Variants in FAM222B observed in about 807,000 individuals in gnomAD.
FAM222B encodes protein FAM222B.
FAM222B carries 12 observed loss-of-function variants against 38.0 expected under a neutral mutation model. The observed-to-expected ratio is 0.32, with a 90% CI of 0.20 to 0.51. FAM222B has a LOEUF of 0.51. Among genes scored for constraint, FAM222B ranks in the 20% least tolerant of loss-of-function variants. The probability of loss-of-function intolerance (pLI) is 0.97; values close to 1 mark genes in which losing one functional copy is unlikely to be tolerated. For synonymous variants in FAM222B, 329 were observed against 317.2 expected (o/e 1.04, Z -0.40); for missense variants, 716 against 754.2 (o/e 0.95, Z 0.59).
At chr17:28,781,826 A>G (rs1384929577) in intron 1 of FAM222B, among the ~76,000 whole-genome samples, 1 of 152,204 alleles carries the variant, frequency 6.6e-6, no homozygotes, top group Non-Finnish European at 1.5e-5. Context: ...GGAATCTAAA[A>G]AAGTCAAACT....
At chr17:28,853,091 G>A (rs1416832312) in intron 1 of FAM222B, among the ~76,000 whole-genome samples, 61 of 151,854 alleles carry the variant, frequency 4.0e-4, no homozygotes, top group Non-Finnish European at 1.5e-5. Flanking sequence ...TACTCGGGAG[G>A]CTGAGGCAGG....
At chr17:28,834,995 C>T (rs1235467802) in intron 1 of FAM222B, among the ~76,000 whole-genome samples, 1 of 148,294 alleles carries the variant, frequency 6.7e-6, no homozygotes, top group Non-Finnish European at 1.5e-5. Flanking sequence ...GCTGGGATTA[C>T]AGGCGCCCAC....
intron 1 of FAM222B, among the ~76,000 whole-genome samples, chr17:28,801,737 C>A (rs1055851651): frequency 1.3e-5 from 2 of 152,002 alleles, no homozygotes; most frequent in Non-Finnish European, 2.9e-5. Flanking sequence ...GATGAGCTGT[C>A]TTCAACTTCT....
At chr17:28,854,666 C>A (rs965568034) in intron 1 of FAM222B, among the ~76,000 whole-genome samples, 2 of 152,164 alleles carry the variant, frequency 1.3e-5, no homozygotes, top group Non-Finnish European at 2.9e-5. Flanking sequence ...GGAACAGTGC[C>A]CCCTCCCACT....
chr17:28,777,434 T>A (rs1397428139), intron 1 of FAM222B, among the ~76,000 whole-genome samples: 1 of 152,182 alleles, frequency 6.6e-6, no homozygotes, highest in Admixed American at 6.6e-5. Context: ...ACTTAACTCA[T>A]CTCTGATCCA....
chr17:28,822,674 G>C (rs576083603), intron 1 of FAM222B, among the ~76,000 whole-genome samples: 1 of 147,854 alleles, frequency 6.8e-6, no homozygotes, highest in South Asian at 2.2e-4. Context: ...GGTGGCAGGC[G>C]CCTGTAATCC....
In FAM222B at chr17:28,775,887, AAAAAAC is replaced by A. The variant is rs1283074879; in HGVS notation, c.-40-9186_-40-9181del. On this transcript the variant is annotated intron_variant, in intron 1 of 2. Transcript: ENST00000581407. The stretch of plus-strand genomic sequence containing the variant: ...CAGAGCAAGACTCCATCTCCAAAAA[AAAAAAC>A]AAAAACAAAAACAAAAAAACAAAAA... 5.3e-5 allele frequency among the ~76,000 whole-genome samples: 8 copies of A among 151,242 alleles called. No homozygotes were observed. In the South Asian group the frequency reaches 1.5e-3, roughly 28 times the overall value.
intron 1 of FAM222B, among the ~76,000 whole-genome samples, chr17:28,784,682 T>C (rs1418340320): frequency 6.6e-6 from 1 of 151,638 alleles, no homozygotes; most frequent in African/African-American, 2.4e-5. Context: ...TACAAAAAAT[T>C]AGCTGGGCGT....
chr17:28,759,970 T>TG lies in FAM222B; in HGVS notation c.83-95dup. The TG allele has an allele frequency of 8.3e-7, 1 of 1,198,700 alleles. No homozygotes were observed. The highest frequency in any genetic ancestry group is 1.1e-6 in the Non-Finnish European group (1 of 871,334). The allele number at this position is 1,198,700 out of a possible 1,614,324, so 74.3% of individuals were successfully genotyped here. Reference sequence around the variant, plus strand: ...CTTCCAGATTCCCCTTTTGAGGGCCTGGGGTGGGGTGGGGAAATGACTAGA... The same window carrying TG: ...CTTCCAGATTCCCCTTTTGAGGGCCTGGGGGTGGGGTGGGGAAATGACTAGA... On this transcript the variant is annotated intron_variant, in intron 2 of 2. Transcript: ENST00000581407. This position sits in a 1 kb window ranked among gnomAD's most constrained non-coding sequence, Gnocchi z 4.8.
At chr17:28,789,281 C>A (rs2036563276) in intron 1 of FAM222B, among the ~76,000 whole-genome samples, 1 of 151,206 alleles carries the variant, frequency 6.6e-6, no homozygotes, top group South Asian at 2.1e-4. Context: ...TCATTGCAAC[C>A]TCTACCTCCT....
At chr17:28,777,104 T>C (rs1036689553) in intron 1 of FAM222B, 5 of 152,164 alleles carry the variant, frequency 3.3e-5, no homozygotes, top group East Asian at 1.9e-4. Flanking sequence ...TTTAACTCAA[T>C]AGGGGACCGT....
intron 1 of FAM222B, among the ~76,000 whole-genome samples, chr17:28,853,483 C>T (rs1286581487): frequency 1.3e-5 from 2 of 152,218 alleles, no homozygotes; most frequent in Non-Finnish European, 2.9e-5. Context: ...CCTATGGATA[C>T]CAAAATCTGC....
chr17:28,795,126 G>A (rs1382043281), intron 1 of FAM222B, among the ~76,000 whole-genome samples: 1 of 151,178 alleles, frequency 6.6e-6, no homozygotes, highest in Non-Finnish European at 1.5e-5. Context: ...TTCCTATACA[G>A]CAAAAGAGAC....
chr17:28,786,007 T>A (rs2151855419), intron 1 of FAM222B, among the ~76,000 whole-genome samples: 1 of 152,206 alleles, frequency 6.6e-6, no homozygotes, highest in South Asian at 2.1e-4. Context: ...CTAATTTTTG[T>A]ATTTTTAGTA....
chr17:28,783,092 C>T (rs772817460), intron 1 of FAM222B, among the ~76,000 whole-genome samples: 3 of 148,962 alleles, frequency 2.0e-5, no homozygotes, highest in Non-Finnish European at 4.4e-5. Flanking sequence ...GAGCCAAGAT[C>T]GTGCCACTGC....
At chr17:28,839,610 T>C (rs1252774535) in intron 1 of FAM222B, among the ~76,000 whole-genome samples, 2 of 152,110 alleles carry the variant, frequency 1.3e-5, no homozygotes, top group Non-Finnish European at 2.9e-5. Flanking sequence ...AAAAATAAAA[T>C]AAGATAGCTA....
chr17:28,756,891 C>T lies in FAM222B; in HGVS notation c.*1379G>A, dbSNP rs1396991931. On this transcript the variant is annotated 3_prime_UTR_variant, in exon 3 of 3. Transcript: ENST00000581407. ...ACCTTAAATAAGAACCATCAGCTGA[C>T]ATTCCCCAGAGACAAGAGGAAAGGT... is the stretch of plus-strand genomic sequence containing the variant. The T allele has an allele frequency of 1.3e-5, 2 of 152,376 alleles. No individual in the cohort carries two copies. The highest frequency in any genetic ancestry group is 2.9e-5 in the Non-Finnish European group (2 of 68,020). The allele number at this position is 152,376 out of a possible 1,614,324, so 9.4% of individuals were successfully genotyped here. A position where few individuals can be genotyped will look rare whatever the true frequency, so the allele number is the denominator to read the frequency against.
At chr17:28,799,670 C>T (rs564185219) in intron 1 of FAM222B, among the ~76,000 whole-genome samples, 4 of 152,262 alleles carry the variant, frequency 2.6e-5, no homozygotes, top group African/African-American at 9.6e-5. Context: ...TGCAGTTGCA[C>T]CACTATAGCT....
At chr17:28,849,742 C>G (rs2039168857) in intron 1 of FAM222B, 1 of 152,060 alleles carries the variant, frequency 6.6e-6, no homozygotes, top group Non-Finnish European at 1.5e-5. Context: ...ACCACTCTCT[C>G]CTCTTTCCCT....
Sources: gnomAD v4.1 joint callset for allele counts (sites outside exome capture counted in the v4.1 genomes callset) on GRCh38, gnomAD v4.1.1 for gene constraint, Gnocchi (gnomAD v3.1) non-coding constraint, MANE v1.5 for transcripts, NCBI Gene and HGNC (gene_info 2026-07-23, HGNC 2026-07-21) for gene names.